Variants in MYO3A observed in about 807,000 individuals in gnomAD.
MYO3A encodes myosin-IIIa.
Under a neutral mutation model 192.7 loss-of-function variants are expected in MYO3A, and 180 were observed. The ratio of observed to expected loss-of-function variants is 0.93; its 90% CI spans 0.83 to 1.06. The LOEUF (loss-of-function observed/expected upper bound fraction) is 1.06, where lower values mean the gene tolerates loss of function less well. MYO3A is among the 50% of genes least tolerant of loss of function. MYO3A has a pLI of 0.00. For synonymous variants in MYO3A, 628 were observed against 645.3 expected (o/e 0.97, Z 0.41); for missense variants, 1,896 against 1,905.0 (o/e 1.00, Z 0.09).
intron 34 of MYO3A, among the ~76,000 whole-genome samples, chr10:26,205,116 G>C (rs1843852727): frequency 6.6e-6 from 1 of 152,194 alleles, no homozygotes; most frequent in African/African-American, 2.4e-5. Context: ...GGTGAACTGA[G>C]TGCCTTGTGA....
At chr10:26,106,121 A>G (rs1837785263) in intron 17 of MYO3A, among the ~76,000 whole-genome samples, 2 of 152,072 alleles carry the variant, frequency 1.3e-5, no homozygotes, top group African/African-American at 4.8e-5. Context: ...TTGCTTGTCC[A>G]TACAAACTGT....
intron 10 of MYO3A, among the ~76,000 whole-genome samples, chr10:26,059,609 T>A (rs1191549594): frequency 6.6e-6 from 1 of 152,254 alleles, no homozygotes. Context: ...TATCCACTGT[T>A]CCAAAATGGA....
intron 4 of MYO3A, among the ~76,000 whole-genome samples, chr10:25,967,736 GA>G (rs1265464931): frequency 1.3e-5 from 2 of 152,000 alleles, no homozygotes; most frequent in Non-Finnish European, 2.9e-5. Flanking sequence ...AATGTTGAAA[GA>G]AATGGAATAT....
Position 26,088,181 on chromosome 10 carries a change from T to A in MYO3A, c.1360-22T>A, listed in dbSNP as rs545353444. 1.8e-5 allele frequency: 27 copies of A among 1,525,628 alleles called. No individual in the cohort carries two copies. In the African/African-American group the frequency reaches 2.7e-4, roughly 15 times the overall value. The allele number at this position is 1,525,628 out of a possible 1,614,324, so 94.5% of individuals were successfully genotyped here. A position where few individuals can be genotyped will look rare whatever the true frequency, so the allele number is the denominator to read the frequency against. ...AATTAATTTTTTATGTTTTTAAAAA[T>A]ATCTTAATATTTTCTATTTAGGCTA... On this transcript the variant is annotated intron_variant, in intron 14 of 34. Transcript: ENST00000642920.
chr10:26,182,510 G>A (rs1173770777), intron 31 of MYO3A, among the ~76,000 whole-genome samples: 1 of 152,186 alleles, frequency 6.6e-6, no homozygotes, highest in East Asian at 1.9e-4. Context: ...AATGTTGTGT[G>A]TTTAAAGTCA....
chr10:26,164,467 C>T (rs893225738), intron 26 of MYO3A, among the ~76,000 whole-genome samples: 2 of 152,030 alleles, frequency 1.3e-5, no homozygotes, highest in African/African-American at 4.8e-5. Context: ...TGGTGGCTTC[C>T]AGTGATATAG....
intron 15 of MYO3A, 143 bp downstream of exon 15, chr10:26,088,548 C>T: frequency 1.3e-6 from 1 of 787,752 alleles, no homozygotes; most frequent in South Asian, 1.6e-5. Context: ...ATGAAGAGAT[C>T]CATCAGCACT....
At chr10:26,048,138 A>T (rs112627003) in intron 10 of MYO3A, among the ~76,000 whole-genome samples, 51 of 152,290 alleles carry the variant, frequency 3.3e-4, no homozygotes, top group African/African-American at 1.2e-3. Flanking sequence ...AGAATAATTT[A>T]GTCTTTGAGT....
chr10:25,971,762 C>G (rs1476034989), intron 4 of MYO3A, among the ~76,000 whole-genome samples: 1 of 152,098 alleles, frequency 6.6e-6, no homozygotes, highest in Non-Finnish European at 1.5e-5. Flanking sequence ...CTGTTAATTT[C>G]AAGATTTTCC....
intron 31 of MYO3A, among the ~76,000 whole-genome samples, chr10:26,179,049 T>A (rs896818895): frequency 2.7e-5 from 4 of 149,774 alleles, no homozygotes; most frequent in Non-Finnish European, 5.9e-5. Context: ...CCGCCCGCCT[T>A]GGCCTCCCAA....
rs766764183 is a variant in MYO3A at position 26,026,460 on chromosome 10, A to G, written c.881A>G (p.Asp294Gly). 6.2e-6 allele frequency: 10 copies of G among 1,614,186 alleles called. No individual in the cohort carries two copies. The South Asian group carries it at 9.9e-5, about 16-fold the overall frequency. Residue 294 changes from aspartate to glycine, a missense_variant, in exon 10 of 35, where the codon GAT becomes GGT. Transcript: ENST00000642920. ...HKFITQIEGK[D>G]VMLQKQLTEF... is the part of the protein sequence containing the mutation. The stretch of plus-strand genomic sequence containing the variant: ...TTCATTACTCAAATTGAGGGCAAAG[A>G]TGTGATGCTACAAAAACAACTAACG...
chr10:26,081,143 C>CCA, intron 14 of MYO3A, among the ~76,000 whole-genome samples: 1 of 90,454 alleles, frequency 1.1e-5, no homozygotes. Context: ...TCCCCCCCCC[C>CCA]CCGCCCCCGC....
In MYO3A at chr10:25,954,926, A is replaced by T; in HGVS notation, c.221A>T (p.Asp74Val). ...AEYNILKALS[D>V]HPNVVRFYGI... is the part of the protein sequence containing the mutation. ...TATAACATCTTAAAAGCACTTTCTG[A>T]CCACCCTAATGTGGTCAGATTCTAT... Residue 74 changes from aspartate to valine, a missense_variant, in exon 4 of 35, where the codon GAC (aspartate) becomes GTC (valine). Coordinates refer to ENST00000642920, the MANE Select transcript of MYO3A (RefSeq NM_017433.5). 1 of 1,612,534 alleles carries T rather than the reference A, an allele frequency of 6.2e-7. No individual in the cohort carries two copies. Among genetic ancestry groups the T allele is most frequent in the Admixed American group, 1.7e-5 (1 of 59,938 alleles).
At chr10:26,186,434 T>C (rs1317164818) in intron 31 of MYO3A, among the ~76,000 whole-genome samples, 2 of 151,948 alleles carry the variant, frequency 1.3e-5, no homozygotes, top group Non-Finnish European at 2.9e-5. Flanking sequence ...ACCCGGCTAA[T>C]TTTTTGTATT....
chr10:26,181,174 G>C (rs1437207335), intron 31 of MYO3A, among the ~76,000 whole-genome samples: 1 of 152,076 alleles, frequency 6.6e-6, no homozygotes, highest in Non-Finnish European at 1.5e-5. Flanking sequence ...CTCTGATTTG[G>C]GATGAGGAAA....
At chr10:25,947,487 G>A (rs140024815) in intron 2 of MYO3A, among the ~76,000 whole-genome samples, 35 of 147,288 alleles carry the variant, frequency 2.4e-4, no homozygotes, top group South Asian at 4.3e-4. Flanking sequence ...TCCGCCTCCC[G>A]GGTTCAAGCG....
At chr10:25,958,738 T>C (rs1477069148) in intron 4 of MYO3A, among the ~76,000 whole-genome samples, 2 of 152,354 alleles carry the variant, frequency 1.3e-5, no homozygotes, top group Non-Finnish European at 2.9e-5. Flanking sequence ...GGAATGTTTT[T>C]CCATTTGTTT....
intron 31 of MYO3A, among the ~76,000 whole-genome samples, chr10:26,177,799 T>C (rs1023228253): frequency 6.6e-6 from 1 of 152,232 alleles, no homozygotes; most frequent in African/African-American, 2.4e-5. Flanking sequence ...ACTGACCTCA[T>C]GCAACTTCTA....
At chr10:25,957,210 G>C (rs1028968087) in intron 4 of MYO3A, among the ~76,000 whole-genome samples, 1 of 152,170 alleles carries the variant, frequency 6.6e-6, no homozygotes, top group African/African-American at 2.4e-5. Context: ...AAGGGACCCA[G>C]TGGGAAGTAA....
Sources: allele counts gnomAD v4.1 joint callset (sites outside exome capture counted in the v4.1 genomes callset), GRCh38; gene constraint gnomAD v4.1.1; transcripts MANE v1.5; gene names NCBI Gene and HGNC (gene_info 2026-07-23, HGNC 2026-07-21).